Variants in RASA2 observed in about 807,000 individuals in gnomAD.
The protein encoded by RASA2 is ras GTPase-activating protein 2.
In RASA2, 155 loss-of-function variants were observed where a neutral mutation model predicts 118.2. The observed-to-expected ratio is 1.31, with a 90% confidence interval of 1.15 to 1.50. The LOEUF is 1.50. Among genes scored for constraint, RASA2 ranks in the 40% most tolerant of loss-of-function variants. The pLI is 0.00. For missense variants in RASA2, 1,016 were observed against 1,009.6 expected (o/e 1.01, Z -0.09); for synonymous variants, 353 against 349.1 (o/e 1.01, Z -0.12).
intron 3 of RASA2, among the ~76,000 whole-genome samples, chr3:141,521,704 T>A (rs1312803996): frequency 6.6e-6 from 1 of 152,168 alleles, no homozygotes; most frequent in Non-Finnish European, 1.5e-5. Flanking sequence ...GATAACTTTT[T>A]CTTAAATGTT....
At chr3:141,553,718 GGTA>G (rs2082606684) in intron 5 of RASA2, 136 bp from the exon 6 acceptor site, 1 of 1,380,986 alleles carries the variant, frequency 7.2e-7, no homozygotes, top group Admixed American at 3.0e-5. Flanking sequence ...ATTCCATATA[GGTA>G]GTATATAGCC....
intron 1 of RASA2, among the ~76,000 whole-genome samples, chr3:141,504,105 C>T (rs1221225733): frequency 6.6e-6 from 1 of 152,122 alleles, no homozygotes; most frequent in African/African-American, 2.4e-5. Context: ...AAGAATTGGT[C>T]CCCTTCCTCA....
chr3:141,613,887 T>G lies in RASA2; in HGVS notation c.*1574T>G, dbSNP rs1296942457. 6.6e-6 allele frequency: 1 copy of G among 152,228 alleles called. No individual in the cohort carries two copies. Among genetic ancestry groups the G allele is most frequent in the Non-Finnish European group, 1.5e-5 (1 of 68,034 alleles). The allele number at this position is 152,228 out of a possible 1,614,324, so 9.4% of individuals were successfully genotyped here. On this transcript the variant is annotated 3_prime_UTR_variant, in exon 24 of 24. Coordinates refer to ENST00000286364, the MANE Select transcript of RASA2 (RefSeq NM_006506.5). ...TGTTTAAGTCTGCATTATGGTAGGT[T>G]ATTACTCCCAGCTCATTTTAAAGAC... is the stretch of plus-strand genomic sequence containing the variant.
intron 9 of RASA2, among the ~76,000 whole-genome samples, chr3:141,561,845 C>G (rs1054023902): frequency 6.6e-6 from 1 of 152,126 alleles, no homozygotes; most frequent in Non-Finnish European, 1.5e-5. Flanking sequence ...TTCTTTTCAA[C>G]AGAAGCACTT....
chr3:141,537,482 T>C (rs114528068), intron 4 of RASA2, among the ~76,000 whole-genome samples: 7,317 of 152,132 alleles, frequency 0.048, 589 homozygotes, highest in African/African-American at 0.17. Context: ...AAAATAGCTA[T>C]TTTAGGCTGG....
At chr3:141,529,655 CTT>C (rs1325326087) in intron 3 of RASA2, 51 bp from the exon 4 acceptor site, 3 of 1,314,958 alleles carry the variant, frequency 2.3e-6, no homozygotes, top group East Asian at 4.6e-5. Flanking sequence ...GCTAATGAGT[CTT>C]AGGATTATAC....
intron 1 of RASA2, among the ~76,000 whole-genome samples, chr3:141,508,280 G>C (rs1463473775): frequency 6.6e-6 from 1 of 152,162 alleles, no homozygotes; most frequent in Non-Finnish European, 1.5e-5. Context: ...CCTGAGCTGA[G>C]GAAAGGTTAG....
intron 19 of RASA2, among the ~76,000 whole-genome samples, chr3:141,595,932 T>C (rs1240746405): frequency 6.6e-6 from 1 of 152,202 alleles, no homozygotes; most frequent in Non-Finnish European, 1.5e-5. Context: ...ACTTGAATAT[T>C]TTAATAGTCT....
rs544486674 is a variant in RASA2 at position 141,487,742 on chromosome 3, C to T, written c.133+526C>T. Among the ~76,000 whole-genome samples the T allele has an allele frequency of 4.1e-4, 62 of 152,048 alleles. No individual in the cohort carries two copies. In the South Asian group the frequency reaches 0.011, roughly 28 times the overall value. On this transcript the variant is annotated intron_variant, in intron 1 of 23. Coordinates refer to ENST00000286364, the MANE Select transcript of RASA2 (RefSeq NM_006506.5). The stretch of plus-strand genomic sequence containing the variant: ...CTGTTCGTTTCCTGGGCTCGGCGAG[C>T]CTGGGAGAGGTTGAAAAAGGCGCCC...
In RASA2 at chr3:141,508,126, T is replaced by TA. The variant is rs200289337; in HGVS notation, c.134-4027dup. Among the ~76,000 whole-genome samples the TA allele has an allele frequency of 3.9e-3, 576 of 148,324 alleles. 2 individuals carry two copies. The highest frequency in any genetic ancestry group is 6.5e-3 in the Non-Finnish European group (432 of 66,704). ...TTTTATTGTTTTATAATGACTACAT[T>TA]AAAAAAAAAACTAGAATTTGTCCTT... On this transcript the variant is annotated intron_variant, in intron 1 of 23. Transcript: ENST00000286364.
chr3:141,542,910 CAG>C (rs2082426726), intron 5 of RASA2, among the ~76,000 whole-genome samples: 1 of 152,060 alleles, frequency 6.6e-6, no homozygotes, highest in African/African-American at 2.4e-5. Flanking sequence ...TTTTTTTACT[CAG>C]ATCTATCTGA....
intron 5 of RASA2, among the ~76,000 whole-genome samples, chr3:141,551,041 C>T (rs1439438586): frequency 6.6e-6 from 1 of 152,156 alleles, no homozygotes; most frequent in Admixed American, 6.5e-5. Flanking sequence ...GTTCTGTCTT[C>T]TTTGTCATTT....
intron 9 of RASA2, among the ~76,000 whole-genome samples, chr3:141,561,416 CTAATT>C (rs1187064222): frequency 5.9e-5 from 9 of 152,164 alleles, no homozygotes; most frequent in Non-Finnish European, 1.3e-4. Flanking sequence ...CATTAACAAA[CTAATT>C]TTATTTTTAT....
chr3:141,553,334 G>A (rs1395120203), intron 5 of RASA2, among the ~76,000 whole-genome samples: 2 of 152,106 alleles, frequency 1.3e-5, no homozygotes, highest in Non-Finnish European at 2.9e-5. Flanking sequence ...ACCGCAAAAT[G>A]TACCTTGTTG....
intron 10 of RASA2, 98 bp downstream of exon 10, chr3:141,571,166 A>C: frequency 7.6e-7 from 1 of 1,317,626 alleles, no homozygotes; most frequent in Non-Finnish European, 1.0e-6. Context: ...AGTCTTATTA[A>C]AACAGTAAAA....
intron 5 of RASA2, among the ~76,000 whole-genome samples, chr3:141,545,575 G>A (rs2082473173): frequency 6.7e-6 from 1 of 149,718 alleles, no homozygotes; most frequent in Non-Finnish European, 1.5e-5. Flanking sequence ...CAGCCTCCGA[G>A]TAGCTGGGAT....
chr3:141,567,235 G>T (rs1223360485), intron 9 of RASA2, among the ~76,000 whole-genome samples: 1 of 151,996 alleles, frequency 6.6e-6, no homozygotes, highest in Non-Finnish European at 1.5e-5. Flanking sequence ...GGCCAACATA[G>T]TGAAACCCTG....
At chr3:141,573,870 A>AT in intron 13 of RASA2, 74 bp from the exon 14 acceptor site, 1 of 1,286,132 alleles carries the variant, frequency 7.8e-7, no homozygotes. Flanking sequence ...ATTTTCTTAC[A>AT]TTTTTCTTTC....
intron 13 of RASA2, 125 bp downstream of exon 13, chr3:141,573,346 T>C: frequency 9.9e-7 from 1 of 1,009,856 alleles, no homozygotes; most frequent in Non-Finnish European, 1.3e-6. Flanking sequence ...CACATAAGCC[T>C]TTATTATTAG....
Sources: allele counts gnomAD v4.1 joint callset (sites outside exome capture counted in the v4.1 genomes callset), GRCh38; gene constraint gnomAD v4.1.1; transcripts MANE v1.5; gene names NCBI Gene and HGNC (gene_info 2026-07-23, HGNC 2026-07-21).